The following GDPD5 variants were observed in gnomAD, a reference collection of about 807,000 sequenced individuals.
The protein encoded by GDPD5 is glycerophosphodiester phosphodiesterase domain containing 5.
In GDPD5, 48 loss-of-function variants were observed where a neutral mutation model predicts 75.1. The ratio of observed to expected loss-of-function variants is 0.64; its 90% CI spans 0.51 to 0.81. The LOEUF is 0.81. Ranked by LOEUF, GDPD5 falls within the 40% of genes least tolerant of loss-of-function variation. The pLI, the probability that GDPD5 is intolerant of heterozygous loss-of-function variation, is 0.00. For missense variants in GDPD5, 706 were observed against 822.6 expected, an observed-to-expected ratio of 0.86 and a Z score of 1.73; for synonymous variants, 336 against 339.0, an observed-to-expected ratio of 0.99 and a Z score of 0.10.
chr11:75,467,851 C>T (rs1949555474), intron 3 of GDPD5, among the ~76,000 whole-genome samples: 1 of 152,162 alleles, frequency 6.6e-6, no homozygotes. Context: ...AATTGTGGGT[C>T]AATTTCCCTG....
At chr11:75,505,307 C>T (rs1328998121) in intron 1 of GDPD5, among the ~76,000 whole-genome samples, 1 of 152,050 alleles carries the variant, frequency 6.6e-6, no homozygotes, top group East Asian at 1.9e-4. Flanking sequence ...TGGCCCCTGC[C>T]TCCCTCTCAG....
intron 2 of GDPD5, 52 bp from the exon 3 acceptor site, chr11:75,477,847 C>T (rs1949813323): frequency 3.2e-6 from 2 of 628,344 alleles, no homozygotes; most frequent in Non-Finnish European, 5.4e-6. Flanking sequence ...AGGAGTCAGG[C>T]ACCACACAGC....
At chr11:75,495,363 G>T (rs1004010438) in intron 1 of GDPD5, among the ~76,000 whole-genome samples, 2 of 151,500 alleles carry the variant, frequency 1.3e-5, no homozygotes, top group African/African-American at 4.9e-5. Context: ...TACTCAGGAG[G>T]CTGAGGAAGG....
chr11:75,458,660 A>C (rs1949344269), intron 4 of GDPD5, among the ~76,000 whole-genome samples: 1 of 152,050 alleles, frequency 6.6e-6, no homozygotes, highest in African/African-American at 2.4e-5. Flanking sequence ...CGACAGTGTG[A>C]GACTCTGTCT....
At chr11:75,503,564 G>T (rs1950334873) in intron 1 of GDPD5, among the ~76,000 whole-genome samples, 1 of 152,340 alleles carries the variant, frequency 6.6e-6, no homozygotes, top group African/African-American at 2.4e-5. Flanking sequence ...CTGCCTGCAA[G>T]GTCTGATTGG....
chr11:75,516,325 C>A (rs1471570719), intron 1 of GDPD5, among the ~76,000 whole-genome samples: 1 of 152,228 alleles, frequency 6.6e-6, no homozygotes, highest in African/African-American at 2.4e-5. Context: ...CACTGCTAGT[C>A]CCTCGGTGCT....
chr11:75,494,266 G>C, intron 1 of GDPD5, among the ~76,000 whole-genome samples: 1 of 144,750 alleles, frequency 6.9e-6, no homozygotes. Flanking sequence ...CTGGAAGGCT[G>C]GAGTGCAGTG....
intron 5 of GDPD5, 103 bp from the exon 6 acceptor site, chr11:75,456,919 T>C (rs1333180387): frequency 6.0e-6 from 7 of 1,174,044 alleles, no homozygotes; most frequent in Admixed American, 1.7e-5. Context: ...GGCCTGACCC[T>C]GGGCAGAGGC....
In GDPD5 at chr11:75,477,636, G is replaced by A. The variant is rs1949807331; in HGVS notation, c.100C>T (p.His34Tyr). Residue 34 changes from histidine (H) to tyrosine (Y), a missense_variant, in exon 3 of 17, where the codon CAT becomes TAT. Transcript: ENST00000336898. ...TGGCTCACCGGTGTGGTATCATCAT[G>A]GGAGCGCTGGTAGCGCTTCCAACGG... Reference protein sequence around the residue: ...GCRWKRYQRSHDDTTPWERLW... With the variant: ...GCRWKRYQRSYDDTTPWERLW... The A allele has an allele frequency of 1.3e-6, 2 of 1,592,942 alleles. No homozygotes were observed. The highest frequency in any genetic ancestry group is 1.3e-5 in the African/African-American group (1 of 74,582).
intron 1 of GDPD5, among the ~76,000 whole-genome samples, chr11:75,519,679 G>T (rs1592171938): frequency 6.6e-6 from 1 of 152,170 alleles, no homozygotes; most frequent in East Asian, 1.9e-4. Context: ...GCCCAAAGAG[G>T]TTAAATCACT....
At chr11:75,441,409 C>G in intron 13 of GDPD5, 99 bp from the exon 14 acceptor site, 1 of 1,463,332 alleles carries the variant, frequency 6.8e-7, no homozygotes, top group African/African-American at 1.4e-5. Context: ...ACCTCACAGC[C>G]ATGCCCGGGG....
In GDPD5 at chr11:75,439,889, C is replaced by T. The variant is rs747837324; in HGVS notation, c.1546G>A (p.Val516Met). 39 of 1,613,550 alleles carry T rather than the reference C, an allele frequency of 2.4e-5. No individual in the cohort carries two copies. Among genetic ancestry groups the T allele is most frequent in the South Asian group, 3.3e-5 (3 of 91,048 alleles). The change falls in exon 15 of 17, where the codon GTG becomes ATG. Residue 516 changes from valine to methionine, a missense_variant. By Grantham distance (21) the Val-to-Met change is conservative. Transcript: ENST00000336898. ...VSFTLIVGIF[V>M]LQKWRLGGIR... ...TCAGATCCTACTCACTTCTGGAGCA[C>T]GAAGATGCCCACGATGAGGGTGAAG...
intron 16 of GDPD5, among the ~76,000 whole-genome samples, chr11:75,436,734 T>C (rs1379336475): frequency 6.6e-6 from 1 of 152,092 alleles, no homozygotes; most frequent in Non-Finnish European, 1.5e-5. Context: ...TGACTGTGTG[T>C]GTGGGGGTGT....
Position 75,444,399 on chromosome 11 carries a change from T to C in GDPD5, c.797+14A>G, listed in dbSNP as rs756164797. 2 of 1,602,388 alleles carry C rather than the reference T, an allele frequency of 1.2e-6. No individual in the cohort carries two copies. The highest frequency in any genetic ancestry group is 2.2e-5 in the South Asian group (2 of 90,838). ...GGAGGGGTAGAGGAACTATCTCCCC[T>C]CCGCTACACCTACCTGATGGTAATG... On this transcript the variant is annotated intron_variant, in intron 10 of 16. Transcript: ENST00000336898.
intron 3 of GDPD5, among the ~76,000 whole-genome samples, chr11:75,471,324 C>G (rs759010452): frequency 1.3e-5 from 2 of 152,158 alleles, no homozygotes; most frequent in Non-Finnish European, 2.9e-5. Flanking sequence ...GCATTAGGGC[C>G]GAGCAGGGAA....
rs553455165 is a variant in GDPD5 at position 75,449,914 on chromosome 11, C to G, written c.445G>C (p.Glu149Gln). The G allele has an allele frequency of 6.2e-7, 1 of 1,613,812 alleles. No homozygotes were observed. Among genetic ancestry groups the G allele is most frequent in the Admixed American group, 1.7e-5 (1 of 60,036 alleles). ...AGGGAGATCAGCAGCACCTCCCACT[C>G]GTCCTCCCACAGCTGGGCCACGGCC... ...MSAVAQLWED[E>Q]WEVLLISLQG... The change falls in exon 7 of 17, where the codon GAG becomes CAG. Residue 149 changes from glutamate (E) to glutamine (Q), a missense_variant. Coordinates refer to ENST00000336898, the MANE Select transcript of GDPD5 (RefSeq NM_030792.8).
chr11:75,520,660 T>C (rs1188934723), intron 1 of GDPD5, among the ~76,000 whole-genome samples: 1 of 152,184 alleles, frequency 6.6e-6, no homozygotes, highest in Non-Finnish European at 1.5e-5. Context: ...GCAGGCAGCA[T>C]CTTTGGACCT....
Position 75,441,666 on chromosome 11 carries a change from C to T in GDPD5, c.1305G>A (p.Gln435=), listed in dbSNP as rs570981777. 1 of 1,593,722 alleles carries T rather than the reference C, an allele frequency of 6.3e-7. No homozygotes were observed. Among genetic ancestry groups the T allele is most frequent in the South Asian group, 1.1e-5 (1 of 89,028 alleles). ...HIQRLNLRYT[Q]VSRQELRDYA... Reference sequence around the variant, plus strand: ...GGCACCTGAGCTCCTGGCGGGACACCTGAGTGTAGCGCAGGTTCAGCCGCT... The same window carrying T: ...GGCACCTGAGCTCCTGGCGGGACACTTGAGTGTAGCGCAGGTTCAGCCGCT... Residue 435 remains glutamine, a synonymous_variant, in exon 13 of 17, where the codon CAG becomes CAA. Transcript: ENST00000336898.
At chr11:75,496,779 C>CTTTCTTTTTTTTTTTTTTTT (rs58663409) in intron 1 of GDPD5, among the ~76,000 whole-genome samples, 4 of 103,112 alleles carry the variant, frequency 3.9e-5, no homozygotes, top group Non-Finnish European at 5.5e-5. Context: ...TTCTTTCTTT[C>CTTTCTTTTTTTTTTTTTTTT]TTTTTTTTTT....
Sources: gnomAD v4.1 joint callset for allele counts (sites outside exome capture counted in the v4.1 genomes callset) on GRCh38, gnomAD v4.1.1 for gene constraint, MANE v1.5 for transcripts, NCBI Gene and HGNC (gene_info 2026-07-23, HGNC 2026-07-21) for gene names.